ATP8A2: variants seen among roughly 807,000 people sequenced by gnomAD.
ATP8A2 encodes ATPase phospholipid transporting 8A2, also known as phospholipid-transporting ATPase IB.
Under a neutral mutation model 165.6 loss-of-function variants are expected in ATP8A2, and 100 were observed. The ratio of observed to expected loss-of-function variants is 0.60; its 90% CI spans 0.51 to 0.71. The LOEUF is 0.71. Among genes scored for constraint, ATP8A2 ranks in the 30% least tolerant of loss-of-function variants. The probability of loss-of-function intolerance (pLI) is 0.00; values close to 1 mark genes in which losing one functional copy is unlikely to be tolerated. For synonymous variants in ATP8A2, 543 were observed against 548.8 expected (o/e 0.99, Z 0.15); for missense variants, 1,227 against 1,479.5 (o/e 0.83, Z 2.80).
intron 14 of ATP8A2, 45 bp from the exon 15 acceptor site, chr13:25,559,676 T>C: frequency 6.7e-7 from 1 of 1,483,606 alleles, no homozygotes; most frequent in Non-Finnish European, 9.4e-7. Flanking sequence ...TGTCTGTCTT[T>C]TGATCACAGT....
intron 33 of ATP8A2, among the ~76,000 whole-genome samples, chr13:25,946,267 C>G (rs948780888): frequency 2.0e-5 from 3 of 152,092 alleles, no homozygotes; most frequent in African/African-American, 4.8e-5. Context: ...ATGGCCATGT[C>G]CCCACGGGGA....
chr13:25,626,575 G>A (rs2137486530), intron 24 of ATP8A2, among the ~76,000 whole-genome samples: 1 of 152,244 alleles, frequency 6.6e-6, no homozygotes. Flanking sequence ...TCCTTAAATA[G>A]AACTCAGAGC....
intron 10 of ATP8A2, 73 bp downstream of exon 10, chr13:25,543,475 G>C: frequency 3.0e-6 from 3 of 1,004,472 alleles, no homozygotes; most frequent in Non-Finnish European, 3.1e-6. Context: ...GGAAAATGCA[G>C]ATGTTGCATT....
At chr13:25,974,935 C>T (rs1379044759) in intron 35 of ATP8A2, among the ~76,000 whole-genome samples, 1 of 152,194 alleles carries the variant, frequency 6.6e-6, no homozygotes, top group Non-Finnish European at 1.5e-5. Flanking sequence ...ACCTTCTGCC[C>T]TCAGCCCACC....
intron 24 of ATP8A2, among the ~76,000 whole-genome samples, chr13:25,610,163 G>A (rs1338955615): frequency 1.3e-5 from 2 of 151,942 alleles, no homozygotes; most frequent in Non-Finnish European, 2.9e-5. Flanking sequence ...ATTTGCTTTT[G>A]GGTTCTTGGT....
intron 30 of ATP8A2, among the ~76,000 whole-genome samples, chr13:25,858,818 G>A (rs1952247276): frequency 2.0e-5 from 3 of 152,098 alleles, no homozygotes; most frequent in Admixed American, 6.5e-5. Context: ...TTATAAGTCA[G>A]AACTCAACAT....
chr13:25,701,617 T>C (rs189763298), intron 25 of ATP8A2, among the ~76,000 whole-genome samples: 1 of 152,044 alleles, frequency 6.6e-6, no homozygotes, highest in East Asian at 1.9e-4. Context: ...TATAAGTTTT[T>C]AAGAGGGAAA....
At chr13:25,657,841 G>A (rs905245907) in intron 24 of ATP8A2, among the ~76,000 whole-genome samples, 6 of 152,200 alleles carry the variant, frequency 3.9e-5, no homozygotes, top group African/African-American at 1.4e-4. Flanking sequence ...TTTAAAATGA[G>A]CAGTTGCTAC....
intron 33 of ATP8A2, among the ~76,000 whole-genome samples, chr13:25,941,747 G>A (rs1955078108): frequency 6.6e-6 from 1 of 152,136 alleles, no homozygotes; most frequent in African/African-American, 2.4e-5. Flanking sequence ...AAGCACCAGG[G>A]CAGAGAGTGG....
intron 33 of ATP8A2, among the ~76,000 whole-genome samples, chr13:25,933,555 C>T (rs564376387): frequency 4.9e-4 from 75 of 152,250 alleles, no homozygotes; most frequent in Non-Finnish European, 9.3e-4. Flanking sequence ...CAGCAGTGAT[C>T]GTGATTACAC....
rs60413090 is a variant in ATP8A2 at position 25,531,228 on chromosome 13, T to G, written c.420+568T>G. On this transcript the variant is annotated intron_variant, in intron 4 of 36. Transcript: ENST00000381655. Reference sequence around the variant, plus strand: ...GATATATGTTATATATGATATATGTTATATATGATATATATGTTATATATG... The same window carrying G: ...GATATATGTTATATATGATATATGTGATATATGATATATATGTTATATATG... Among the ~76,000 whole-genome samples the G allele has an allele frequency of 3.0e-5, 3 of 100,646 alleles. No individual in the cohort carries two copies. In the South Asian group the frequency reaches 9.5e-4, roughly 32 times the overall value. The allele number at this position is 100,646 out of a possible 152,430, so 66.0% of individuals were successfully genotyped here.
intron 2 of ATP8A2, among the ~76,000 whole-genome samples, chr13:25,482,521 C>T (rs2036235205): frequency 6.6e-6 from 1 of 152,060 alleles, no homozygotes; most frequent in South Asian, 2.1e-4. Flanking sequence ...TGGGGAACCC[C>T]ATGTGCAGAG....
At chr13:25,382,990 C>T (rs1248821912) in intron 1 of ATP8A2, among the ~76,000 whole-genome samples, 4 of 148,304 alleles carry the variant, frequency 2.7e-5, no homozygotes, top group African/African-American at 7.5e-5. Flanking sequence ...CTCCTGACTT[C>T]GTGATCTGCC....
intron 2 of ATP8A2, among the ~76,000 whole-genome samples, chr13:25,503,310 A>C (rs1247865631): frequency 6.6e-6 from 1 of 152,206 alleles, no homozygotes; most frequent in Non-Finnish European, 1.5e-5. Context: ...ACGCAAACAG[A>C]GTAGCCTATT....
chr13:25,890,862 T>C (rs938529830), intron 33 of ATP8A2, among the ~76,000 whole-genome samples: 1 of 152,226 alleles, frequency 6.6e-6, no homozygotes, highest in Admixed American at 6.5e-5. Context: ...GCAGATGTTA[T>C]GAAATTTGTT....
In ATP8A2 at chr13:25,911,039, G is replaced by A. The variant is rs549146617; in HGVS notation, c.3183+48631G>A. Among the ~76,000 whole-genome samples, 16 of 151,744 alleles carry A rather than the reference G, an allele frequency of 1.1e-4. No individual in the cohort carries two copies. The South Asian group carries it at 3.1e-3, about 30-fold the overall frequency. The stretch of plus-strand genomic sequence containing the variant: ...CTGCAGGGTCACCAGGACCCAAGCT[G>A]TTTGCTTCATTAAACCCTGGTGGCT... On this transcript the variant is annotated intron_variant, in intron 33 of 36. Coordinates refer to ENST00000381655, the MANE Select transcript of ATP8A2 (RefSeq NM_016529.6).
chr13:25,653,445 T>G (rs2041859570), intron 24 of ATP8A2, among the ~76,000 whole-genome samples: 1 of 152,148 alleles, frequency 6.6e-6, no homozygotes, highest in African/African-American at 2.4e-5. Flanking sequence ...CACTGGGGCT[T>G]ACTGGAGGGT....
chr13:25,727,924 C>CTG (rs1291234228), intron 25 of ATP8A2, among the ~76,000 whole-genome samples: 1 of 152,126 alleles, frequency 6.6e-6, no homozygotes, highest in Non-Finnish European at 1.5e-5. Flanking sequence ...AGTCCAAGCC[C>CTG]TGTGCTCTGG....
At chr13:25,433,815 A>G (rs2034679180) in intron 1 of ATP8A2, among the ~76,000 whole-genome samples, 2 of 152,226 alleles carry the variant, frequency 1.3e-5, no homozygotes, top group South Asian at 4.1e-4. Context: ...GAATGAAATC[A>G]TGTCCTTTGC....
Sources: gnomAD v4.1 joint callset for allele counts (sites outside exome capture counted in the v4.1 genomes callset) on GRCh38, gnomAD v4.1.1 for gene constraint, MANE v1.5 for transcripts, NCBI Gene and HGNC (gene_info 2026-07-23, HGNC 2026-07-21) for gene names.